Variants in DTNA observed in about 807,000 individuals in gnomAD.
The protein encoded by DTNA is dystrophin-related protein 3.
A neutral mutation model predicts 100.7 loss-of-function variants in DTNA; 43 were observed. The observed-to-expected ratio is 0.43, with a 90% CI of 0.33 to 0.55. The LOEUF is 0.55. DTNA is among the 20% of genes least tolerant of loss of function. The pLI, the probability that DTNA is intolerant of heterozygous loss-of-function variation, is 0.04. For missense variants in DTNA, 798 were observed against 953.9 expected (o/e 0.84, Z 2.15); for synonymous variants, 349 against 347.9 (o/e 1.00, Z -0.04).
intron 15 of DTNA, among the ~76,000 whole-genome samples, chr18:34,853,837 T>A (rs2096518528): frequency 6.6e-6 from 1 of 152,174 alleles, no homozygotes; most frequent in African/African-American, 2.4e-5. Context: ...AATTACCTAT[T>A]CTATTTTATG....
chr18:34,518,634 T>TG (rs1269426131), intron 1 of DTNA, among the ~76,000 whole-genome samples: 2 of 151,500 alleles, frequency 1.3e-5, no homozygotes, highest in African/African-American at 4.8e-5. Flanking sequence ...GTTTTGCCTA[T>TG]GAATGTCCAG....
At chr18:34,673,451 A>T (rs139937055) in intron 1 of DTNA, among the ~76,000 whole-genome samples, 1 of 151,892 alleles carries the variant, frequency 6.6e-6, no homozygotes, top group Non-Finnish European at 1.5e-5. Context: ...AAATGCAAGT[A>T]TCATCTCGAT....
intron 1 of DTNA, among the ~76,000 whole-genome samples, chr18:34,604,645 ATATCT>A (rs1447384399): frequency 1.3e-5 from 2 of 152,186 alleles, no homozygotes; most frequent in African/African-American, 4.8e-5. Flanking sequence ...ATGCTGAAAA[ATATCT>A]TATGTAGCTG....
intron 3 of DTNA, among the ~76,000 whole-genome samples, chr18:34,783,136 CTTAT>C (rs2094395789): frequency 6.6e-6 from 1 of 152,202 alleles, no homozygotes; most frequent in Non-Finnish European, 1.5e-5. Context: ...TTTACCTTCT[CTTAT>C]TATTTTTGTA....
intron 1 of DTNA, among the ~76,000 whole-genome samples, chr18:34,608,508 G>A (rs968289065): frequency 5.7e-5 from 8 of 141,142 alleles, no homozygotes; most frequent in Non-Finnish European, 7.6e-5. Context: ...AAAAGTATTC[G>A]TTAGGTTTTT....
At position 34,872,512 on chromosome 18, in the gene DTNA, A is replaced by C. The variant is rs552202511; in HGVS notation, c.1744-2727A>C. Among the ~76,000 whole-genome samples the C allele has an allele frequency of 4.6e-5, 7 of 152,370 alleles. No individual in the cohort carries two copies. In the East Asian group the frequency reaches 1.3e-3, roughly 29 times the overall value. On this transcript the variant is annotated intron_variant, in intron 17 of 22. Coordinates refer to ENST00000444659, the MANE Select transcript of DTNA (RefSeq NM_001386795.1). The stretch of plus-strand genomic sequence containing the variant: ...GATTTTGAAAAGCAATATGATGCAG[A>C]TATCGTATCAGTTACCTCACATCCA...
intron 1 of DTNA, among the ~76,000 whole-genome samples, chr18:34,754,865 G>A (rs887619432): frequency 1.3e-5 from 2 of 152,140 alleles, no homozygotes; most frequent in Non-Finnish European, 2.9e-5. Context: ...GTAGAAAGTT[G>A]GGGAAGATTT....
intron 1 of DTNA, among the ~76,000 whole-genome samples, chr18:34,648,179 G>A (rs923289569): frequency 1.3e-5 from 2 of 152,162 alleles, no homozygotes; most frequent in Non-Finnish European, 2.9e-5. Flanking sequence ...ACCCCAGAGG[G>A]TCTGAGTGGT....
chr18:34,860,220 G>GTATTTTTTTTTTT (rs749839630), intron 16 of DTNA, among the ~76,000 whole-genome samples: 3 of 80,254 alleles, frequency 3.7e-5, no homozygotes, highest in African/African-American at 9.4e-5. Flanking sequence ...CTAATTTTTT[G>GTATTTTTTTTTTT]TTTTTTTTTT....
At chr18:34,864,248 C>CTTTTTTT (rs555273655) in intron 17 of DTNA, among the ~76,000 whole-genome samples, 186 bp downstream of exon 17, 2 of 127,418 alleles carry the variant, frequency 1.6e-5, no homozygotes, top group African/African-American at 3.0e-5. Context: ...AGAACACATT[C>CTTTTTTT]TTTTTTTTTT....
chr18:34,724,542 G>A (rs934197460), intron 1 of DTNA, among the ~76,000 whole-genome samples: 6 of 152,192 alleles, frequency 3.9e-5, no homozygotes, highest in African/African-American at 1.4e-4. Context: ...AAGGGCCTCA[G>A]GAAGCTTGTA....
At chr18:34,663,293 A>G (rs1467607858) in intron 1 of DTNA, among the ~76,000 whole-genome samples, 1 of 152,044 alleles carries the variant, frequency 6.6e-6, no homozygotes, top group African/African-American at 2.4e-5. Context: ...TTCTGGGACT[A>G]CATACAGGTG....
intron 1 of DTNA, among the ~76,000 whole-genome samples, chr18:34,622,531 G>A (rs71363458): frequency 0.067 from 10,206 of 152,208 alleles, 420 homozygotes; most frequent in African/African-American, 0.079. Flanking sequence ...AGGTGTTTCC[G>A]GAGAAGATTA....
At chr18:34,874,887 T>C (rs535608392) in intron 17 of DTNA, among the ~76,000 whole-genome samples, 1 of 152,354 alleles carries the variant, frequency 6.6e-6, no homozygotes, top group East Asian at 1.9e-4. Flanking sequence ...TTCTCCTTAA[T>C]GTCTTCTTAG....
intron 1 of DTNA, among the ~76,000 whole-genome samples, chr18:34,524,199 T>G: frequency 6.6e-6 from 1 of 152,316 alleles, no homozygotes; most frequent in Non-Finnish European, 1.5e-5. Flanking sequence ...TGTGTATTAA[T>G]AAAATAACAG....
intron 1 of DTNA, among the ~76,000 whole-genome samples, chr18:34,516,200 C>T (rs1489437075): frequency 1.3e-5 from 2 of 152,150 alleles, no homozygotes; most frequent in East Asian, 1.9e-4. Context: ...CATCACATAT[C>T]GGCAGGTTCC....
chr18:34,559,723 T>C (rs1382886500), intron 1 of DTNA, among the ~76,000 whole-genome samples: 3 of 152,186 alleles, frequency 2.0e-5, no homozygotes, highest in African/African-American at 7.2e-5. Context: ...CCTCCTGAAA[T>C]CAGAACTAAG....
At chr18:34,559,234 A>G (rs2849491) in intron 1 of DTNA, among the ~76,000 whole-genome samples, 38,757 of 152,128 alleles carry the variant, frequency 0.25, 6,827 homozygotes, top group African/African-American at 0.5. Flanking sequence ...AAAAGGAAAT[A>G]AACTAATTGT....
At chr18:34,790,729 C>T (rs535618837) in intron 3 of DTNA, among the ~76,000 whole-genome samples, 1 of 151,630 alleles carries the variant, frequency 6.6e-6, no homozygotes, top group Non-Finnish European at 1.5e-5. Flanking sequence ...TGTCAAATTA[C>T]GGTTTAGAAA....
Sources: gnomAD v4.1 joint callset for allele counts (sites outside exome capture counted in the v4.1 genomes callset) on GRCh38, gnomAD v4.1.1 for gene constraint, MANE v1.5 for transcripts, NCBI Gene and HGNC (gene_info 2026-07-23, HGNC 2026-07-21) for gene names.